The following SLC24A2 variants were observed in gnomAD, a reference collection of about 807,000 sequenced individuals.
SLC24A2 encodes sodium/potassium/calcium exchanger 2.
SLC24A2 carries 36 observed loss-of-function variants against 62.0 expected under a neutral mutation model. The observed-to-expected ratio is 0.58, with a 90% CI of 0.44 to 0.77. The LOEUF (loss-of-function observed/expected upper bound fraction) is 0.77. Among genes scored for constraint, SLC24A2 ranks in the 30% least tolerant of loss-of-function variants. The pLI, the probability that SLC24A2 is intolerant of heterozygous loss-of-function variation, is 0.00. For missense variants in SLC24A2, 846 were observed against 817.9 expected, an observed-to-expected ratio of 1.03 and a Z score of -0.42; for synonymous variants, 358 against 294.0, an observed-to-expected ratio of 1.22 and a Z score of -2.23.
chr9:20,238,032 T>C, the SLC24A2 span, among the ~76,000 whole-genome samples: 19,549 of 151,838 alleles, frequency 0.13, 1,337 homozygotes, highest in Middle Eastern at 0.19. Context: ...TGACTTGGAG[T>C]CATCTTGGCT....
the SLC24A2 span, among the ~76,000 whole-genome samples, chr9:20,222,934 G>GA: frequency 4.0e-5 from 6 of 151,198 alleles, no homozygotes; most frequent in Non-Finnish European, 7.4e-5. Context: ...TAAATAAGAA[G>GA]AAAAAAAAGC....
At chr9:19,836,133 T>C in the SLC24A2 span, among the ~76,000 whole-genome samples, 5 of 152,008 alleles carry the variant, frequency 3.3e-5, no homozygotes, top group Admixed American at 6.5e-5. Flanking sequence ...AGGAAAGATC[T>C]AAAATTGACA....
chr9:20,233,923 T>G, the SLC24A2 span, among the ~76,000 whole-genome samples: 1 of 152,218 alleles, frequency 6.6e-6, no homozygotes, highest in Non-Finnish European at 1.5e-5. Context: ...GCAGGCCTGG[T>G]GGTGACAAAA....
At chr9:20,016,787 A>C in the SLC24A2 span, among the ~76,000 whole-genome samples, 1 of 152,182 alleles carries the variant, frequency 6.6e-6, no homozygotes, top group Non-Finnish European at 1.5e-5. Context: ...ATACACTCCC[A>C]GCTGTGAAAA....
the SLC24A2 span, among the ~76,000 whole-genome samples, chr9:20,180,393 G>T: frequency 1.3e-5 from 2 of 152,014 alleles, no homozygotes. Context: ...TGGTGTGTCT[G>T]TTACCCGTCT....
chr9:19,761,213 T>C (rs1046759666), intron 2 of SLC24A2, among the ~76,000 whole-genome samples: 2 of 152,198 alleles, frequency 1.3e-5, no homozygotes, highest in African/African-American at 4.8e-5. Context: ...TTTCTGGTTC[T>C]AGATCCTTGA....
chr9:19,803,946 T>C, the SLC24A2 span, among the ~76,000 whole-genome samples: 3 of 152,170 alleles, frequency 2.0e-5, no homozygotes, highest in African/African-American at 4.8e-5. Context: ...TTTTTAGTGA[T>C]GAAAAAATGG....
At position 19,636,313 on chromosome 9, in the gene SLC24A2, T is replaced by TTTCCTTTC. The variant is rs1818324986; in HGVS notation, c.931-14015_931-14014insGAAAGGAA. On this transcript the variant is annotated intron_variant, in intron 2 of 10. Transcript: ENST00000341998. ...TCTTTTCTTTTCTTTTCTTTTCTTT[T>TTTCCTTTC]CTTTTCTTTCTTTCTTTCTTTCTTT... Among the ~76,000 whole-genome samples, 2 of 21,398 alleles carry TTTCCTTTC rather than the reference T, an allele frequency of 9.3e-5. 1 individual carries two copies. Among genetic ancestry groups the TTTCCTTTC allele is most frequent in the African/African-American group, 4.7e-4 (2 of 4,300 alleles). 14.0% of individuals were successfully genotyped at this position (21,398 alleles called of 152,430 possible).
At chr9:20,067,022 A>C in the SLC24A2 span, among the ~76,000 whole-genome samples, 1 of 152,196 alleles carries the variant, frequency 6.6e-6, no homozygotes, top group Non-Finnish European at 1.5e-5. Flanking sequence ...TAACAGGAAA[A>C]TGTTTACAGT....
chr9:20,076,595 T>A, the SLC24A2 span, among the ~76,000 whole-genome samples: 4 of 152,062 alleles, frequency 2.6e-5, no homozygotes, highest in Non-Finnish European at 4.4e-5. Context: ...GATGTAAGCC[T>A]CCAGAACACT....
chr9:19,769,871 G>T (rs1475079600), intron 2 of SLC24A2, among the ~76,000 whole-genome samples: 1 of 151,918 alleles, frequency 6.6e-6, no homozygotes, highest in Non-Finnish European at 1.5e-5. Flanking sequence ...TGTCTGTGGG[G>T]GGTTGCCTGT....
chr9:19,754,408 C>G (rs561406596), intron 2 of SLC24A2, among the ~76,000 whole-genome samples: 1 of 152,198 alleles, frequency 6.6e-6, no homozygotes, highest in African/African-American at 2.4e-5. Context: ...TCAACTGAAC[C>G]TTTGAGCCTT....
chr9:20,046,316 A>G, the SLC24A2 span, among the ~76,000 whole-genome samples: 1 of 152,262 alleles, frequency 6.6e-6, no homozygotes, highest in African/African-American at 2.4e-5. Context: ...AGAAAGGGAC[A>G]GGCAGACAGG....
chr9:20,141,806 G>A, the SLC24A2 span, among the ~76,000 whole-genome samples: 1 of 152,072 alleles, frequency 6.6e-6, no homozygotes, highest in Non-Finnish European at 1.5e-5. Context: ...TAAAAAGGCG[G>A]GCCACGGTGG....
At chr9:19,735,460 G>A (rs1821479108) in intron 2 of SLC24A2, among the ~76,000 whole-genome samples, 1 of 151,926 alleles carries the variant, frequency 6.6e-6, no homozygotes, top group Non-Finnish European at 1.5e-5. Flanking sequence ...GATTCCTCAG[G>A]GATCTAGAAC....
chr9:19,699,038 AGGAATGGG>A (rs908586385), intron 2 of SLC24A2, among the ~76,000 whole-genome samples: 3 of 152,168 alleles, frequency 2.0e-5, no homozygotes, highest in Non-Finnish European at 4.4e-5. Flanking sequence ...GCTTAGAACC[AGGAATGGG>A]GACTACAAAG....
chr9:19,886,352 AT>A, the SLC24A2 span, among the ~76,000 whole-genome samples: 3 of 152,028 alleles, frequency 2.0e-5, no homozygotes, highest in African/African-American at 4.8e-5. Context: ...ATGATTGAGC[AT>A]TTTTTTATAG....
chr9:20,089,576 C>T, the SLC24A2 span, among the ~76,000 whole-genome samples: 1 of 151,998 alleles, frequency 6.6e-6, no homozygotes, highest in African/African-American at 2.4e-5. Context: ...CCAGGCAGGG[C>T]CCCTAGCTCA....
Position 19,573,531 on chromosome 9 carries a change from G to C in SLC24A2, c.1229-62C>G, listed in dbSNP as rs112523594. 4,158 of 238,830 alleles carry C rather than the reference G, an allele frequency of 0.017. 7 individuals carry two copies. The highest frequency in any genetic ancestry group is 0.023 in the Non-Finnish European group (3,059 of 132,084). 14.8% of individuals were successfully genotyped at this position (238,830 alleles called of 1,614,324 possible). ...ACACACACACACACACACACACACA[G>C]AGAGAGAGAGAGAGAGAGAGAGAAA... On this transcript the variant is annotated intron_variant, in intron 6 of 10. Transcript: ENST00000341998.
Sources: gnomAD v4.1 joint callset for allele counts (sites outside exome capture counted in the v4.1 genomes callset) on GRCh38, gnomAD v4.1.1 for gene constraint, MANE v1.5 for transcripts, NCBI Gene and HGNC (gene_info 2026-07-23, HGNC 2026-07-21) for gene names.